Variants in PCM1 observed in about 807,000 individuals in gnomAD.
PCM1 encodes pericentriolar material 1 protein.
In PCM1, 157 loss-of-function variants were observed where a neutral mutation model predicts 241.9. The ratio of observed to expected loss-of-function variants is 0.65; its 90% confidence interval spans 0.57 to 0.74. PCM1 has a LOEUF of 0.74. PCM1 is among the 30% of genes least tolerant of loss of function. The probability of loss-of-function intolerance (pLI) is 0.00; values close to 1 mark genes in which losing one functional copy is unlikely to be tolerated. For synonymous variants in PCM1, 1,085 were observed against 784.9 expected (o/e 1.38, Z -6.39); for missense variants, 3,478 against 2,360.1 (o/e 1.47, Z -9.81).
chr8:17,958,561 T>C (rs1371055153), intron 13 of PCM1, among the ~76,000 whole-genome samples: 1 of 152,076 alleles, frequency 6.6e-6, no homozygotes, highest in Non-Finnish European at 1.5e-5. Context: ...TTAACACATT[T>C]ATAAAGGTGT....
chr8:17,945,396 A>G (rs187101928), intron 6 of PCM1, among the ~76,000 whole-genome samples: 1 of 152,300 alleles, frequency 6.6e-6, no homozygotes, highest in Non-Finnish European at 1.5e-5. Flanking sequence ...TTGGCTTACC[A>G]AGATCCAGGT....
At chr8:18,024,701 A>G (rs566385848) in intron 36 of PCM1, among the ~76,000 whole-genome samples, 2 of 152,318 alleles carry the variant, frequency 1.3e-5, no homozygotes, top group Admixed American at 6.5e-5. Flanking sequence ...GTGAAGATTA[A>G]TCTGCTGACT....
At chr8:18,021,352 G>C (rs1459036531) in intron 36 of PCM1, among the ~76,000 whole-genome samples, 1 of 152,120 alleles carries the variant, frequency 6.6e-6, no homozygotes, top group Non-Finnish European at 1.5e-5. Flanking sequence ...TCATAAAGCT[G>C]GAAAGACCCT....
intron 29 of PCM1, chr8:18,005,961 A>T: frequency 8.5e-6 from 2 of 234,822 alleles, no homozygotes; most frequent in Non-Finnish European, 1.6e-5. Context: ...AACTAGCATG[A>T]ATAGTTCTCC....
chr8:17,923,559 G>A (rs746499566), intron 1 of PCM1, among the ~76,000 whole-genome samples: 10 of 152,144 alleles, frequency 6.6e-5, no homozygotes, highest in African/African-American at 2.2e-4. Flanking sequence ...GGTGCTAGGG[G>A]CACTGGGTCG....
chr8:17,985,388 A>G (rs1331277744), intron 24 of PCM1, 59 bp from the exon 25 acceptor site: 8 of 1,177,950 alleles, frequency 6.8e-6, no homozygotes, highest in Non-Finnish European at 8.4e-6. Flanking sequence ...ACTAGCTAAT[A>G]AAAGTTGTCA....
intron 27 of PCM1, among the ~76,000 whole-genome samples, chr8:17,990,551 G>T (rs1255153718): frequency 6.6e-6 from 1 of 150,604 alleles, no homozygotes; most frequent in Non-Finnish European, 1.5e-5. Flanking sequence ...TTGCCTGGCT[G>T]CAGTGGAGAA....
chr8:17,955,864 G>A, intron 10 of PCM1: 1 of 561,286 alleles, frequency 1.8e-6, no homozygotes, highest in South Asian at 2.1e-5. Flanking sequence ...GTGAACTGAT[G>A]TTACTTTCTT....
In PCM1 at chr8:18,029,842, C is replaced by G. The variant is rs1321372879; in HGVS notation, c.*2180C>G. ...GAACTTTATGCAGGTTGAGATAATGCCTAAAATAATGAGCTGGCCAGACTG... is the reference window on the plus strand; with the variant it reads ...GAACTTTATGCAGGTTGAGATAATGGCTAAAATAATGAGCTGGCCAGACTG... On this transcript the variant is annotated 3_prime_UTR_variant, in exon 39 of 39. Transcript: ENST00000325083. The G allele has an allele frequency of 1.0e-5, 2 of 195,926 alleles. No individual in the cohort carries two copies. Among genetic ancestry groups the G allele is most frequent in the Non-Finnish European group, 2.1e-5 (2 of 94,392 alleles). 12.1% of individuals were successfully genotyped at this position (195,926 alleles called of 1,614,324 possible).
chr8:17,927,274 G>C (rs2057358407), intron 2 of PCM1: 1 of 151,674 alleles, frequency 6.6e-6, no homozygotes, highest in Admixed American at 6.6e-5. Context: ...GGGATTACAG[G>C]AACGCCCCAC....
intron 36 of PCM1, among the ~76,000 whole-genome samples, chr8:18,021,401 C>T (rs1352950748): frequency 1.3e-5 from 2 of 152,178 alleles, no homozygotes; most frequent in Non-Finnish European, 2.9e-5. Context: ...TGTAGGTCTG[C>T]AGATGGATTT....
intron 21 of PCM1, 133 bp downstream of exon 21, chr8:17,967,303 C>CACT: frequency 1.7e-6 from 1 of 603,616 alleles, no homozygotes; most frequent in Non-Finnish European, 2.7e-6. Context: ...AAGTTACAAA[C>CACT]TCTTTTTTTT....
chr8:17,982,529 C>G (rs906469553), intron 24 of PCM1: 2 of 152,082 alleles, frequency 1.3e-5, no homozygotes, highest in Non-Finnish European at 2.9e-5. Context: ...GAGTCTCGCT[C>G]TGTCATCCAG....
intron 2 of PCM1, among the ~76,000 whole-genome samples, chr8:17,929,119 C>T (rs1343722040): frequency 6.6e-6 from 1 of 152,116 alleles, no homozygotes; most frequent in Non-Finnish European, 1.5e-5. Context: ...AATTGACCCT[C>T]ACTACCCCTG....
intron 2 of PCM1, 143 bp from the exon 3 acceptor site, chr8:17,935,446 G>T: frequency 1.8e-6 from 1 of 568,226 alleles, no homozygotes; most frequent in Non-Finnish European, 3.2e-6. Context: ...AAATCAATTT[G>T]TCTGTGATGT....
chr8:18,026,136 C>A, intron 38 of PCM1, among the ~76,000 whole-genome samples: 1 of 105,098 alleles, frequency 9.5e-6, no homozygotes, highest in Non-Finnish European at 1.7e-5. Flanking sequence ...TGCACTCCGG[C>A]CTGGGTGAAA....
intron 22 of PCM1, among the ~76,000 whole-genome samples, chr8:17,969,960 G>GT (rs575521721): frequency 7.9e-5 from 12 of 152,216 alleles, no homozygotes; most frequent in African/African-American, 2.6e-4. Context: ...AGGATGTGGC[G>GT]TAACTCATAG....
chr8:17,988,896 T>G (rs1302520518), intron 26 of PCM1, among the ~76,000 whole-genome samples: 2 of 151,880 alleles, frequency 1.3e-5, no homozygotes, highest in Non-Finnish European at 2.9e-5. Context: ...GGAAAGCAGT[T>G]TGGCAGTTGC....
At position 17,942,205 on chromosome 8, in the gene PCM1, C is replaced by T. The variant is rs548894062; in HGVS notation, c.783+2344C>T. Among the ~76,000 whole-genome samples, 72 of 152,210 alleles carry T rather than the reference C, an allele frequency of 4.7e-4. 1 individual carries two copies. The South Asian group carries it at 0.014, about 29-fold the overall frequency. On this transcript the variant is annotated intron_variant, in intron 6 of 38. Transcript: ENST00000325083. ...GTTTATTAATTTAGATGGGGCCAGG[C>T]GTGGTAATTCTAGCACTTTGGAAGA... is the stretch of plus-strand genomic sequence containing the variant.
Sources: allele counts gnomAD v4.1 joint callset (sites outside exome capture counted in the v4.1 genomes callset), GRCh38; gene constraint gnomAD v4.1.1; transcripts MANE v1.5; gene names NCBI Gene and HGNC (gene_info 2026-07-23, HGNC 2026-07-21).